The following RIMS1 variants were observed in gnomAD, a reference collection of about 807,000 sequenced individuals.
RIMS1 encodes regulating synaptic membrane exocytosis protein 1.
A neutral mutation model predicts 214.1 loss-of-function variants in RIMS1; 83 were observed. The observed-to-expected ratio is 0.39, with a 90% CI of 0.32 to 0.47. RIMS1 has a LOEUF of 0.47. Among genes scored for constraint, RIMS1 ranks in the 20% least tolerant of loss-of-function variants. RIMS1 has a pLI of 0.99. For synonymous variants in RIMS1, 793 were observed against 786.8 expected (o/e 1.01, Z -0.13); for missense variants, 2,050 against 2,161.8 (o/e 0.95, Z 1.03).
chr6:72,126,243 T>C (rs920601739), intron 4 of RIMS1, among the ~76,000 whole-genome samples: 4 of 152,164 alleles, frequency 2.6e-5, no homozygotes, highest in Non-Finnish European at 1.5e-5. Context: ...AACTTGATCC[T>C]CACTTCTTAC....
At chr6:72,189,294 C>G (rs973616448) in intron 6 of RIMS1, among the ~76,000 whole-genome samples, 2 of 152,204 alleles carry the variant, frequency 1.3e-5, no homozygotes, top group Non-Finnish European at 2.9e-5. Flanking sequence ...TTCCACTGTT[C>G]TATCAATCCA....
chr6:72,274,961 T>A (rs2085410335), intron 23 of RIMS1, among the ~76,000 whole-genome samples: 1 of 151,366 alleles, frequency 6.6e-6, no homozygotes, highest in South Asian at 2.1e-4. Flanking sequence ...CACAATATTG[T>A]CCAGGGCTAA....
chr6:72,296,071 CAGGT>C (rs909337289), intron 26 of RIMS1: 1 of 157,728 alleles, frequency 6.3e-6, no homozygotes, highest in African/African-American at 2.4e-5. Context: ...GCAAAATTAA[CAGGT>C]AGCTATTTTC....
intron 29 of RIMS1, among the ~76,000 whole-genome samples, chr6:72,361,882 A>G (rs562158077): frequency 2.0e-5 from 3 of 152,242 alleles, no homozygotes; most frequent in Non-Finnish European, 4.4e-5. Context: ...TCCATCTGCC[A>G]GCACAATTCC....
intron 29 of RIMS1, among the ~76,000 whole-genome samples, chr6:72,354,419 ATATT>A (rs1211429621): frequency 6.6e-6 from 1 of 151,798 alleles, no homozygotes; most frequent in Non-Finnish European, 1.5e-5. Flanking sequence ...AAAGGTATAT[ATATT>A]TATGGGATAT....
At chr6:71,940,872 G>C (rs904941878) in intron 1 of RIMS1, among the ~76,000 whole-genome samples, 1 of 152,108 alleles carries the variant, frequency 6.6e-6, no homozygotes, top group Non-Finnish European at 1.5e-5. Flanking sequence ...ACATGTTAGG[G>C]TTGTGAAACT....
At chr6:72,381,291 C>T (rs1365445923) in intron 29 of RIMS1, among the ~76,000 whole-genome samples, 2 of 151,742 alleles carry the variant, frequency 1.3e-5, no homozygotes, top group Non-Finnish European at 2.9e-5. Flanking sequence ...TTAATGATCT[C>T]GTTCTAACTT....
chr6:72,374,160 G>A (rs148829167), intron 29 of RIMS1, among the ~76,000 whole-genome samples: 2,006 of 152,196 alleles, frequency 0.013, 51 homozygotes, highest in African/African-American at 0.044. Flanking sequence ...TGATCCGCCC[G>A]CCTCGGCCTC....
chr6:71,935,927 T>C (rs1784296273), intron 1 of RIMS1, among the ~76,000 whole-genome samples: 1 of 152,128 alleles, frequency 6.6e-6, no homozygotes, highest in Non-Finnish European at 1.5e-5. Flanking sequence ...TATTGAAAAA[T>C]TAATCATGGC....
chr6:72,337,715 T>TA (rs1443296902), intron 29 of RIMS1, among the ~76,000 whole-genome samples: 1 of 149,346 alleles, frequency 6.7e-6, no homozygotes, highest in African/African-American at 2.5e-5. Flanking sequence ...GCATTAGGTA[T>TA]ATCTCCTAAT....
At chr6:72,265,337 A>G in intron 20 of RIMS1, 53 bp from the exon 21 acceptor site, 1 of 1,037,118 alleles carries the variant, frequency 9.6e-7, no homozygotes, top group Non-Finnish European at 1.4e-6. Flanking sequence ...GTACTTGTTG[A>G]TTTTAATTAT....
Position 72,179,850 on chromosome 6 carries a change from G to C in RIMS1, c.747G>C (p.Gln249His). The C allele has an allele frequency of 6.2e-7, 1 of 1,607,084 alleles. No homozygotes were observed. The highest frequency in any genetic ancestry group is 1.3e-5 in the African/African-American group (1 of 74,860). Residue 249 changes from glutamine (Q) to histidine (H), a missense_variant, in exon 5 of 34, where the codon CAG (glutamine) becomes CAC (histidine). Coordinates refer to ENST00000521978, the MANE Select transcript of RIMS1 (RefSeq NM_014989.7). Reference protein sequence around the residue: ...PDRSKGAEPSQQALGPEQKQA... With the variant: ...PDRSKGAEPSHQALGPEQKQA... ...GGAGCAAAGGGGCTGAGCCCTCGCA[G>C]CAAGCCTTGGGGCCTGAACAGAAGC...
intron 19 of RIMS1, chr6:72,261,067 G>C (rs2077754816): frequency 1.5e-5 from 18 of 1,214,046 alleles, no homozygotes; most frequent in Non-Finnish European, 1.9e-5. Flanking sequence ...AATTCTAAAT[G>C]CTCACTGTGA....
At chr6:72,141,206 A>G (rs2042039491) in intron 4 of RIMS1, among the ~76,000 whole-genome samples, 1 of 152,050 alleles carries the variant, frequency 6.6e-6, no homozygotes, top group Admixed American at 6.6e-5. Context: ...GAGTTTAGAT[A>G]AAGATTCATT....
intron 29 of RIMS1, among the ~76,000 whole-genome samples, chr6:72,382,669 C>T (rs949807140): frequency 3.3e-5 from 5 of 152,168 alleles, no homozygotes; most frequent in Non-Finnish European, 7.4e-5. Flanking sequence ...ACTTCTCTGG[C>T]TTCACACCTC....
intron 28 of RIMS1, among the ~76,000 whole-genome samples, chr6:72,332,071 C>A (rs2096678594): frequency 6.6e-6 from 1 of 151,752 alleles, no homozygotes; most frequent in Non-Finnish European, 1.5e-5. Context: ...ATATATATGA[C>A]AACAAACTTG....
chr6:72,185,218 A>G (rs943919160), intron 6 of RIMS1, among the ~76,000 whole-genome samples: 1 of 152,198 alleles, frequency 6.6e-6, no homozygotes, highest in Admixed American at 6.5e-5. Context: ...ACAAGATTGT[A>G]ACACTGTGGA....
Position 71,966,072 on chromosome 6 carries a change from C to A in RIMS1, c.165-2911C>A, listed in dbSNP as rs1368059875. Among the ~76,000 whole-genome samples, 9 of 152,102 alleles carry A rather than the reference C, an allele frequency of 5.9e-5. 1 individual carries two copies. The highest frequency in any genetic ancestry group is 5.9e-4 in the Admixed American group (9 of 15,268). On this transcript the variant is annotated intron_variant, in intron 1 of 33. Transcript: ENST00000521978. ...AGGTTTTATCCTTCCAAACTATGAT[C>A]CAATTCAATTATAATTTTAAAGAAA...
chr6:72,225,734 T>G (rs919583750), intron 6 of RIMS1, among the ~76,000 whole-genome samples: 1 of 152,210 alleles, frequency 6.6e-6, no homozygotes, highest in African/African-American at 2.4e-5. Context: ...TGTGGAAGCC[T>G]GGTCAGTTGG....
Sources: gnomAD v4.1 joint callset for allele counts (sites outside exome capture counted in the v4.1 genomes callset) on GRCh38, gnomAD v4.1.1 for gene constraint, MANE v1.5 for transcripts, NCBI Gene and HGNC (gene_info 2026-07-23, HGNC 2026-07-21) for gene names.